The following EXD2 variants were observed in gnomAD, a reference collection of about 807,000 sequenced individuals.
The protein encoded by EXD2 is exonuclease 3'-5' domain containing 2, also known as exonuclease 3'-5' domain-containing protein 2.
EXD2 carries 40 observed loss-of-function variants against 62.5 expected under a neutral mutation model. The ratio of observed to expected loss-of-function variants is 0.64; its 90% CI spans 0.50 to 0.83. The LOEUF (loss-of-function observed/expected upper bound fraction) is 0.83. Among genes scored for constraint, EXD2 ranks in the 40% least tolerant of loss-of-function variants. The pLI is 0.00. For missense variants in EXD2, 671 were observed against 761.8 expected (o/e 0.88, Z 1.40); for synonymous variants, 239 against 291.9 (o/e 0.82, Z 1.85).
intron 3 of EXD2, among the ~76,000 whole-genome samples, chr14:69,227,539 T>A (rs942157285): frequency 6.6e-6 from 1 of 152,210 alleles, no homozygotes; most frequent in Non-Finnish European, 1.5e-5. Flanking sequence ...TTCAAACTTA[T>A]CTATGACCCC....
intron 1 of EXD2, chr14:69,192,129 T>C (rs762571253): frequency 6.6e-6 from 1 of 152,190 alleles, no homozygotes; most frequent in Non-Finnish European, 1.5e-5. Flanking sequence ...GCTTTTCACA[T>C]CCCTGGGATG....
rs993042932 is a variant in EXD2, at chr14:69,214,438, A to G, written c.333+4635A>G. 3.9e-5 allele frequency among the ~76,000 whole-genome samples: 6 copies of G among 152,232 alleles called. No homozygotes were observed. In the East Asian group the frequency reaches 1.2e-3, roughly 29 times the overall value. ...TATACGATTTCTTCTGGTCTCTTTTACAATTCCCTTTTTCTTTATTTGGCT... is the reference window on the plus strand; with the variant it reads ...TATACGATTTCTTCTGGTCTCTTTTGCAATTCCCTTTTTCTTTATTTGGCT... On this transcript the variant is annotated intron_variant, in intron 3 of 9. Transcript: ENST00000685843.
intron 5 of EXD2, among the ~76,000 whole-genome samples, chr14:69,231,644 C>T (rs2043583170): frequency 6.6e-6 from 1 of 152,138 alleles, no homozygotes; most frequent in South Asian, 2.1e-4. Context: ...GGTTCAGACA[C>T]ACGTCAGGTC....
chr14:69,232,345 T>C (rs1485774593), intron 5 of EXD2, among the ~76,000 whole-genome samples: 1 of 152,222 alleles, frequency 6.6e-6, no homozygotes, highest in African/African-American at 2.4e-5. Context: ...CCATTCCTTA[T>C]GCTTTCCTGG....
chr14:69,225,227 T>C (rs1280186797), intron 3 of EXD2, among the ~76,000 whole-genome samples: 1 of 152,230 alleles, frequency 6.6e-6, no homozygotes, highest in East Asian at 1.9e-4. Flanking sequence ...AGTTAACCTG[T>C]TCCAGCCCAG....
In EXD2 at chr14:69,236,532, T is replaced by C; in HGVS notation, c.1282T>C (p.Ser428Pro). Residue 428 changes from serine to proline, a missense_variant, in exon 8 of 10, where the codon TCC (serine) becomes CCC (proline). Transcript: ENST00000685843. ...GTGTGTAGTGTGTGGCAAGAGAGACTCCTACATTCGGTGAGTGCAGCATTG... is the reference window on the plus strand; with the variant it reads ...GTGTGTAGTGTGTGGCAAGAGAGACCCCTACATTCGGTGAGTGCAGCATTG... ...NLCVVCGKRD[S>P]YIRKNVIPHE... 6.2e-7 allele frequency: 1 copy of C among 1,614,108 alleles called. No individual in the cohort carries two copies. Among genetic ancestry groups the C allele is most frequent in the African/African-American group, 1.3e-5 (1 of 75,028 alleles).
At position 69,243,985 on chromosome 14, in the gene EXD2, AAAAG is replaced by A. The variant is rs2044044515; in HGVS notation, c.*2886_*2889del. ...TTTATTTTAAAATAAAAATGTAAAA[AAAAG>A]GTAAAAAAATAAAATTTTAAATTTT... On this transcript the variant is annotated 3_prime_UTR_variant, in exon 10 of 10. Transcript: ENST00000685843. The A allele has an allele frequency of 1.3e-5, 2 of 152,228 alleles. No individual in the cohort carries two copies. The highest frequency in any genetic ancestry group is 2.9e-5 in the Non-Finnish European group (2 of 68,042). 9.4% of individuals were successfully genotyped at this position (152,228 alleles called of 1,614,324 possible).
At position 69,241,211 on chromosome 14, in the gene EXD2, C is replaced by T; in HGVS notation, c.*111C>T. 1.2e-6 allele frequency: 1 copy of T among 823,356 alleles called. No homozygotes were observed. Among genetic ancestry groups the T allele is most frequent in the South Asian group, 1.7e-5 (1 of 59,156 alleles). The allele number at this position is 823,356 out of a possible 1,614,324, so 51.0% of individuals were successfully genotyped here. On this transcript the variant is annotated 3_prime_UTR_variant, in exon 10 of 10. Coordinates refer to ENST00000685843, the MANE Select transcript of EXD2 (RefSeq NM_001193360.2). ...TTGTCAAAGCCTGTGTGACACAACT[C>T]AGAATACTAACCTAGACTAATCCCA... is the stretch of plus-strand genomic sequence containing the variant.
chr14:69,228,672 A>C (rs780602054), intron 3 of EXD2, 144 bp from the exon 4 acceptor site: 1 of 1,003,876 alleles, frequency 1.0e-6, no homozygotes. Flanking sequence ...CTGTAGACTT[A>C]TCTGTAGATG....
chr14:69,233,052 G>A (rs563758971), intron 5 of EXD2, among the ~76,000 whole-genome samples: 18 of 152,174 alleles, frequency 1.2e-4, no homozygotes, highest in Non-Finnish European at 2.6e-4. Flanking sequence ...GTTAATTTTT[G>A]TGTGTCTTGT....
chr14:69,207,487 C>G (rs1250677016), intron 2 of EXD2, among the ~76,000 whole-genome samples: 1 of 151,874 alleles, frequency 6.6e-6, no homozygotes, highest in African/African-American at 2.4e-5. Context: ...GCGAGAGACT[C>G]CATCTAATAA....
At chr14:69,232,511 A>C (rs571378480) in intron 5 of EXD2, among the ~76,000 whole-genome samples, 31 of 152,218 alleles carry the variant, frequency 2.0e-4, no homozygotes, top group African/African-American at 7.2e-4. Flanking sequence ...TATTCCCACC[A>C]GCAGTGTATG....
intron 3 of EXD2, among the ~76,000 whole-genome samples, chr14:69,222,654 C>A (rs1043090993): frequency 5.3e-5 from 8 of 152,094 alleles, no homozygotes; most frequent in Admixed American, 3.9e-4. Flanking sequence ...GAGATGCCTA[C>A]AAGAGTCAAG....
chr14:69,218,870 T>A (rs1199603892), intron 3 of EXD2, among the ~76,000 whole-genome samples: 1 of 152,232 alleles, frequency 6.6e-6, no homozygotes, highest in African/African-American at 2.4e-5. Context: ...GGTCTATATC[T>A]CTGTTTTGGT....
chr14:69,222,331 T>G (rs1437820046), intron 3 of EXD2, among the ~76,000 whole-genome samples: 1 of 152,170 alleles, frequency 6.6e-6, no homozygotes, highest in Non-Finnish European at 1.5e-5. Context: ...TTATGTCTAT[T>G]GTTTCTTTCC....
intron 4 of EXD2, among the ~76,000 whole-genome samples, chr14:69,230,184 A>G (rs2043520063): frequency 6.6e-6 from 1 of 152,174 alleles, no homozygotes; most frequent in African/African-American, 2.4e-5. Context: ...TGCCAGCTGT[A>G]TGACCTTTGG....
intron 3 of EXD2, among the ~76,000 whole-genome samples, chr14:69,226,849 A>G (rs943384774): frequency 6.6e-6 from 1 of 150,378 alleles, no homozygotes; most frequent in South Asian, 2.1e-4. Flanking sequence ...GGTCACTTCA[A>G]TTATGCAATG....
chr14:69,194,023 C>T (rs1194810768), intron 1 of EXD2, among the ~76,000 whole-genome samples: 3 of 151,380 alleles, frequency 2.0e-5, no homozygotes, highest in Non-Finnish European at 4.4e-5. Flanking sequence ...TCTCCTAAAG[C>T]TCTGTTTTCT....
intron 3 of EXD2, among the ~76,000 whole-genome samples, chr14:69,216,986 ATCC>A (rs1162605096): frequency 6.6e-6 from 1 of 151,972 alleles, no homozygotes; most frequent in Non-Finnish European, 1.5e-5. Flanking sequence ...ACATTTTCTC[ATCC>A]TCCTCTCCTC....
Sources: allele counts gnomAD v4.1 joint callset (sites outside exome capture counted in the v4.1 genomes callset), GRCh38; gene constraint gnomAD v4.1.1; transcripts MANE v1.5; gene names NCBI Gene and HGNC (gene_info 2026-07-23, HGNC 2026-07-21).